The following AGAP3 variants were observed in gnomAD, a reference collection of about 807,000 sequenced individuals.
AGAP3 encodes the protein arf-GAP with GTPase, ANK repeat and PH domain-containing protein 3.
AGAP3 carries 24 observed loss-of-function variants against 96.9 expected under a neutral mutation model. The observed-to-expected ratio is 0.25, with a 90% CI of 0.18 to 0.35. The LOEUF (loss-of-function observed/expected upper bound fraction) is 0.35. Ranked by LOEUF, AGAP3 falls within the 10% of genes least tolerant of loss-of-function variation. AGAP3 has a pLI of 1.00. For missense variants in AGAP3, 876 were observed against 1,254.2 expected, an observed-to-expected ratio of 0.70 and a Z score of 4.55; for synonymous variants, 563 against 536.1, an observed-to-expected ratio of 1.05 and a Z score of -0.69.
chr7:151,140,725 C>A lies in AGAP3; in HGVS notation c.1804+609C>A, dbSNP rs911106109. On this transcript the variant is annotated intron_variant, in intron 13 of 17. Transcript: ENST00000397238. This position sits in a 1 kb window ranked among gnomAD's most constrained non-coding sequence, Gnocchi z 5.4. ...CTTCTGCTCTAATCATCAGGGTAGA[C>A]GTATGGGTCAGGGGAGCAGAGACAC... 1 of 152,138 alleles carries A rather than the reference C, an allele frequency of 6.6e-6. No individual in the cohort carries two copies. The highest frequency in any genetic ancestry group is 6.5e-5 in the Admixed American group (1 of 15,268). 9.4% of individuals were successfully genotyped at this position (152,138 alleles called of 1,614,324 possible). A position where few individuals can be genotyped will look rare whatever the true frequency, so the allele number is the denominator to read the frequency against.
chr7:151,120,599 G>A, intron 8 of AGAP3: 2 of 1,291,238 alleles, frequency 1.5e-6, no homozygotes, highest in Non-Finnish European at 1.0e-6. Context: ...CAGAGCCCAG[G>A]CCTCCCCGTC....
At chr7:151,107,746 C>G (rs1374471065) in intron 1 of AGAP3, among the ~76,000 whole-genome samples, 1 of 152,104 alleles carries the variant, frequency 6.6e-6, no homozygotes, top group Non-Finnish European at 1.5e-5. Context: ...TTGGAAGAGG[C>G]AGAACTCTAG....
intron 8 of AGAP3, 134 bp downstream of exon 8, chr7:151,120,279 C>A: frequency 1.0e-6 from 1 of 959,532 alleles, no homozygotes; most frequent in Non-Finnish European, 1.5e-6. Flanking sequence ...CCCTCAGATA[C>A]ACACGGCTCC....
Position 151,114,831 on chromosome 7 carries a change from C to A in AGAP3, c.332-1962C>A. 9.5e-7 allele frequency: 1 copy of A among 1,055,994 alleles called. No homozygotes were observed. The highest frequency in any genetic ancestry group is 1.1e-6 in the Non-Finnish European group (1 of 876,698). The allele number at this position is 1,055,994 out of a possible 1,614,324, so 65.4% of individuals were successfully genotyped here. The stretch of plus-strand genomic sequence containing the variant: ...CGGGGAGCGGCCCGCCGCTTGCCGC[C>A]GCGCCCACAGCGTCTGCGACTCGCT... On this transcript the variant is annotated intron_variant, in intron 1 of 17. Coordinates refer to ENST00000397238, the MANE Select transcript of AGAP3 (RefSeq NM_031946.7). The surrounding 1 kb of genome is among the most constrained non-coding windows in gnomAD (Gnocchi z 4.4).
At chr7:151,093,839 G>A (rs1233726311) in intron 1 of AGAP3, among the ~76,000 whole-genome samples, 1 of 152,204 alleles carries the variant, frequency 6.6e-6, no homozygotes, top group East Asian at 1.9e-4. Flanking sequence ...TCTGCTCTGG[G>A]TGCGTCTTCT....
At chr7:151,088,269 T>C (rs1166568491) in intron 1 of AGAP3, among the ~76,000 whole-genome samples, 2 of 152,258 alleles carry the variant, frequency 1.3e-5, no homozygotes. Context: ...TGCTGGGTTC[T>C]ATCTTTTGTT....
Position 151,139,987 on chromosome 7 carries a change from C to T in AGAP3, c.1675C>T (p.Pro559Ser). Reference protein sequence around the residue: ...PPGMQHPASGPAEVLSSSPKL... With the variant: ...PPGMQHPASGSAEVLSSSPKL... Reference sequence around the variant, plus strand: ...AACTCTCCCCTCACCAGCCAGTGGCCCAGCTGAGGTACTCAGTTCCAGCCC... The same window carrying T: ...AACTCTCCCCTCACCAGCCAGTGGCTCAGCTGAGGTACTCAGTTCCAGCCC... The change falls in exon 13 of 18, where the codon CCA (proline) becomes TCA (serine). Residue 559 changes from proline (P) to serine (S), a missense_variant. Around this residue, in one of 8 missense-constraint regions of AGAP3, gnomAD observed 155 missense variants for 144.4 expected, o/e 1.07. Coordinates refer to ENST00000397238, the MANE Select transcript of AGAP3 (RefSeq NM_031946.7). The surrounding 1 kb of genome is among the most constrained non-coding windows in gnomAD (Gnocchi z 4.9). 6.4e-7 allele frequency: 1 copy of T among 1,569,470 alleles called. No homozygotes were observed. Among genetic ancestry groups the T allele is most frequent in the East Asian group, 2.4e-5 (1 of 41,168 alleles).
Position 151,144,283 on chromosome 7 carries a change from A to G in AGAP3, c.*340A>G. On this transcript the variant is annotated 3_prime_UTR_variant, in exon 18 of 18. Coordinates refer to ENST00000397238, the MANE Select transcript of AGAP3 (RefSeq NM_031946.7). The stretch of plus-strand genomic sequence containing the variant: ...TCACACGCCTTCATCCTGAAACAGG[A>G]AGAGGACGGCACCAAGTTGGGGGTG... 1 of 335,772 alleles carries G rather than the reference A, an allele frequency of 3.0e-6. No homozygotes were observed. Among genetic ancestry groups the G allele is most frequent in the Non-Finnish European group, 5.5e-6 (1 of 181,484 alleles). The allele number at this position is 335,772 out of a possible 1,614,324, so 20.8% of individuals were successfully genotyped here. A position where few individuals can be genotyped will look rare whatever the true frequency, so the allele number is the denominator to read the frequency against.
Position 151,117,163 on chromosome 7 carries a change from C to G in AGAP3, c.459C>G (p.Val153=). ...ACCGCTATCTGACGGGGACCTATGT[C>G]CAGGAGGAGTCCCCTGAAGGTGAGC... ...LVHRYLTGTY[V]QEESPEGGRF... The change falls in exon 3 of 18, where the codon GTC becomes GTG. Residue 153 remains valine (V), a synonymous_variant. Transcript: ENST00000397238. The G allele has an allele frequency of 6.2e-7, 1 of 1,613,946 alleles. No individual in the cohort carries two copies. Among genetic ancestry groups the G allele is most frequent in the South Asian group, 1.1e-5 (1 of 91,068 alleles).
rs540468725 is a variant in AGAP3 at position 151,128,726 on chromosome 7, G to C, written c.1326+42G>C. On this transcript the variant is annotated intron_variant, in intron 10 of 17. Transcript: ENST00000397238. ...GAGCCTCCTGGGGGAGTATGGGGAG[G>C]GGGTGGAGGGAGGATAACAGAATGC... 63 of 1,531,482 alleles carry C rather than the reference G, an allele frequency of 4.1e-5. No homozygotes were observed. The South Asian group carries it at 4.3e-4, about 10-fold the overall frequency. The allele number at this position is 1,531,482 out of a possible 1,614,324, so 94.9% of individuals were successfully genotyped here. A position where few individuals can be genotyped will look rare whatever the true frequency, so the allele number is the denominator to read the frequency against.
intron 8 of AGAP3, among the ~76,000 whole-genome samples, chr7:151,121,580 G>A (rs1040340675): frequency 3.3e-5 from 5 of 151,722 alleles, no homozygotes; most frequent in Non-Finnish European, 5.9e-5. Flanking sequence ...CTCCGCCCAC[G>A]CCCAGTCCCC....
chr7:151,128,474 G>A, intron 9 of AGAP3, 106 bp from the exon 10 acceptor site: 1 of 904,256 alleles, frequency 1.1e-6, no homozygotes, highest in Non-Finnish European at 1.8e-6. Context: ...AGTGGCCCAG[G>A]AGAAGCGGGG....
chr7:151,107,171 G>A (rs1014867632), intron 1 of AGAP3, among the ~76,000 whole-genome samples: 1 of 152,090 alleles, frequency 6.6e-6, no homozygotes, highest in African/African-American at 2.4e-5. Context: ...TTAGCCGGAT[G>A]TGGTGGCACG....
Position 151,115,545 on chromosome 7 carries a change from C to T in AGAP3, c.332-1248C>T. ...CACCGCCGCCGGCCTCTGGAGGCTG[C>T]TCACGAGCCGCTTCCGCCGGAGGGA... On this transcript the variant is annotated intron_variant, in intron 1 of 17. Coordinates refer to ENST00000397238, the MANE Select transcript of AGAP3 (RefSeq NM_031946.7). The T allele has an allele frequency of 6.4e-6, 7 of 1,099,274 alleles. No individual in the cohort carries two copies. The South Asian group carries it at 1.7e-4, about 27-fold the overall frequency. 68.1% of individuals were successfully genotyped at this position (1,099,274 alleles called of 1,614,324 possible).
In AGAP3 at chr7:151,121,650, A is replaced by T. The variant is rs561849113; in HGVS notation, c.1128+1505A>T. 2.0e-5 allele frequency among the ~76,000 whole-genome samples: 3 copies of T among 151,118 alleles called. No homozygotes were observed. The South Asian group carries it at 6.3e-4, about 32-fold the overall frequency. On this transcript the variant is annotated intron_variant, in intron 8 of 17. Coordinates refer to ENST00000397238, the MANE Select transcript of AGAP3 (RefSeq NM_031946.7). ...CCTGTGCTCTCTGCTGCCTGCCTCG[A>T]CTCTGCTGCCCTCCCTCCTGGCTGC... is the stretch of plus-strand genomic sequence containing the variant.
rs143222784 is a variant in AGAP3 at position 151,091,812 on chromosome 7, T to C, written c.331+4740T>C. ...TGGTACCCCACAGATGAAGCAGTCCTTGTCCCTATGATGCCACCTGGCAAT... is the reference window on the plus strand; with the variant it reads ...TGGTACCCCACAGATGAAGCAGTCCCTGTCCCTATGATGCCACCTGGCAAT... On this transcript the variant is annotated intron_variant, in intron 1 of 17. Transcript: ENST00000397238. Among the ~76,000 whole-genome samples the C allele has an allele frequency of 1.5e-3, 222 of 152,342 alleles. 1 individual carries two copies. The highest frequency in any genetic ancestry group is 5.1e-3 in the African/African-American group (210 of 41,570).
chr7:151,095,821 C>A (rs1479810344), intron 1 of AGAP3, among the ~76,000 whole-genome samples: 1 of 151,914 alleles, frequency 6.6e-6, no homozygotes, highest in Non-Finnish European at 1.5e-5. Flanking sequence ...CCCCTGCCCC[C>A]CTGCCACCCC....
In AGAP3 at chr7:151,117,631, C is replaced by T. The variant is rs777202000; in HGVS notation, c.565-5C>T. Reference sequence around the variant, plus strand: ...CGGGTGCTAATTTTACTTGCTCTACCCTAGTTTGCTGCCTGGGTGGATGCA... The same window carrying T: ...CGGGTGCTAATTTTACTTGCTCTACTCTAGTTTGCTGCCTGGGTGGATGCA... On this transcript the variant is annotated splice_region_variant and splice_polypyrimidine_tract_variant and intron_variant, in intron 4 of 17. Transcript: ENST00000397238. 3 of 1,613,826 alleles carry T rather than the reference C, an allele frequency of 1.9e-6. No homozygotes were observed. The highest frequency in any genetic ancestry group is 1.7e-5 in the Admixed American group (1 of 59,992).
In AGAP3 at chr7:151,128,693, G is replaced by C; in HGVS notation, c.1326+9G>C. On this transcript the variant is annotated intron_variant, in intron 10 of 17. Coordinates refer to ENST00000397238, the MANE Select transcript of AGAP3 (RefSeq NM_031946.7). ...ATCACCCCAGCCTGCATGTGAGTCT[G>C]GGAGGAGGAGCCTCCTGGGGGAGTA... The C allele has an allele frequency of 6.2e-7, 1 of 1,612,524 alleles. No individual in the cohort carries two copies. Among genetic ancestry groups the C allele is most frequent in the Non-Finnish European group, 8.5e-7 (1 of 1,178,968 alleles).
Sources: allele counts gnomAD v4.1 joint callset (sites outside exome capture counted in the v4.1 genomes callset), GRCh38; gene constraint gnomAD v4.1.1; regional missense constraint gnomAD v4.1.1; non-coding constraint Gnocchi (gnomAD v3.1); transcripts MANE v1.5; gene names NCBI Gene and HGNC (gene_info 2026-07-23, HGNC 2026-07-21).